FLT4: variants seen among roughly 807,000 people sequenced by gnomAD.
FLT4 encodes fms related receptor tyrosine kinase 4, also known as vascular endothelial growth factor receptor 3.
A neutral mutation model predicts 163.2 loss-of-function variants in FLT4; 30 were observed. The observed-to-expected ratio is 0.18, with a 90% CI of 0.14 to 0.25. FLT4 has a LOEUF of 0.25. FLT4 is among the 10% of genes least tolerant of loss of function. The probability of loss-of-function intolerance (pLI) is 1.00; values close to 1 mark genes in which losing one functional copy is unlikely to be tolerated. For synonymous variants in FLT4, 884 were observed against 789.5 expected, an observed-to-expected ratio of 1.12 and a Z score of -2.01; for missense variants, 1,510 against 1,863.8, an observed-to-expected ratio of 0.81 and a Z score of 3.50.
Position 180,601,658 on chromosome 5 carries a change from C to T in FLT4, c.*1534G>A, listed in dbSNP as rs1761520943. On this transcript the variant is annotated 3_prime_UTR_variant, in exon 30 of 30. Coordinates refer to ENST00000261937, the MANE Select transcript of FLT4 (RefSeq NM_182925.5). ...GTGAGGAGAAGGGAGCAGAGGTGCG[C>T]GCCAGGAGCCAGGCTGGTTCTCTGC... 1.7e-5 allele frequency: 4 copies of T among 233,182 alleles called. No individual in the cohort carries two copies. The highest frequency in any genetic ancestry group is 3.6e-4 in the South Asian group (2 of 5,534). The allele number at this position is 233,182 out of a possible 1,614,324, so 14.4% of individuals were successfully genotyped here.
chr5:180,633,067 G>A (rs367844525), intron 1 of FLT4, among the ~76,000 whole-genome samples: 1 of 152,116 alleles, frequency 6.6e-6, no homozygotes, highest in Admixed American at 6.5e-5. Context: ...CCAGGGTCCC[G>A]CCCTGAAGCT....
intron 1 of FLT4, among the ~76,000 whole-genome samples, chr5:180,644,487 C>T (rs1765370414): frequency 6.6e-6 from 1 of 152,214 alleles, no homozygotes; most frequent in Non-Finnish European, 1.5e-5. Context: ...GGACAGTGGC[C>T]TGTGTGCCTG....
chr5:180,642,931 G>A (rs1765233969), intron 1 of FLT4, among the ~76,000 whole-genome samples: 1 of 152,214 alleles, frequency 6.6e-6, no homozygotes, highest in Non-Finnish European at 1.5e-5. Flanking sequence ...ACGCATGTGT[G>A]CATTCCACAT....
intron 27 of FLT4, 46 bp downstream of exon 27, chr5:180,611,285 A>C: frequency 1.2e-6 from 2 of 1,609,222 alleles, no homozygotes. Context: ...CACCTTGTCC[A>C]CATGGCTTTC....
At chr5:180,643,892 G>A (rs1392718183) in intron 1 of FLT4, among the ~76,000 whole-genome samples, 1 of 151,956 alleles carries the variant, frequency 6.6e-6, no homozygotes, top group Non-Finnish European at 1.5e-5. Flanking sequence ...CACGGTCTCG[G>A]CTCACCGTAA....
chr5:180,649,426 G>T lies in FLT4; in HGVS notation c.58+62C>A, dbSNP rs536105035. 4.1e-4 allele frequency: 529 copies of T among 1,289,756 alleles called. 2 individuals carry two copies. The African/African-American group carries it at 7.9e-3, about 19-fold the overall frequency. The allele number at this position is 1,289,756 out of a possible 1,614,324, so 79.9% of individuals were successfully genotyped here. Reference sequence around the variant, plus strand: ...AGCGGTCTCAGCGCCCGCCCCAGGTGCGCGGTACCCCCTCCCCGGCCAGCC... The same window carrying T: ...AGCGGTCTCAGCGCCCGCCCCAGGTTCGCGGTACCCCCTCCCCGGCCAGCC... On this transcript the variant is annotated intron_variant, in intron 1 of 29. Transcript: ENST00000261937.
Position 180,630,211 on chromosome 5 carries a change from G to C in FLT4, c.513+14C>G, listed in dbSNP as rs938700408. The C allele has an allele frequency of 1.2e-6, 2 of 1,611,068 alleles. No homozygotes were observed. Among genetic ancestry groups the C allele is most frequent in the Non-Finnish European group, 1.7e-6 (2 of 1,178,664 alleles). On this transcript the variant is annotated intron_variant, in intron 4 of 29. Transcript: ENST00000261937. This position sits in a 1 kb window ranked among gnomAD's most constrained non-coding sequence, Gnocchi z 6.3. ...ATGGGAGGGTCGGATGCTGGGGTTGGGGTGGGGCCGTACCGAGCGCAGCGT... is the reference window on the plus strand; with the variant it reads ...ATGGGAGGGTCGGATGCTGGGGTTGCGGTGGGGCCGTACCGAGCGCAGCGT...
At chr5:180,638,732 C>T (rs1764871409) in intron 1 of FLT4, among the ~76,000 whole-genome samples, 2 of 152,208 alleles carry the variant, frequency 1.3e-5, no homozygotes, top group Non-Finnish European at 2.9e-5. Flanking sequence ...ACGCTAAGGA[C>T]TCAGCTTAGA....
intron 28 of FLT4, chr5:180,609,598 C>A: frequency 4.8e-6 from 2 of 417,112 alleles, no homozygotes; most frequent in Non-Finnish European, 9.0e-6. Context: ...CTCTGCCCAG[C>A]GCTCACTGAC....
Position 180,609,895 on chromosome 5 carries a change from T to C in FLT4, c.3807+10A>G, listed in dbSNP as rs754430379. The C allele has an allele frequency of 1.2e-6, 2 of 1,613,824 alleles. No homozygotes were observed. Among genetic ancestry groups the C allele is most frequent in the South Asian group, 1.1e-5 (1 of 91,070 alleles). On this transcript the variant is annotated intron_variant, in intron 28 of 29. Coordinates refer to ENST00000261937, the MANE Select transcript of FLT4 (RefSeq NM_182925.5). ...CCGAGAGCGCAGCCCCCACCCTTCA[T>C]GTGAAGTACCACAGAGCCTTTGTAG... is the stretch of plus-strand genomic sequence containing the variant.
chr5:180,648,512 C>T lies in FLT4; in HGVS notation c.58+976G>A, dbSNP rs540216134. Among the ~76,000 whole-genome samples the T allele has an allele frequency of 2.0e-5, 3 of 152,318 alleles. No individual in the cohort carries two copies. In the South Asian group the frequency reaches 6.2e-4, roughly 32 times the overall value. On this transcript the variant is annotated intron_variant, in intron 1 of 29. Coordinates refer to ENST00000261937, the MANE Select transcript of FLT4 (RefSeq NM_182925.5). Reference sequence around the variant, plus strand: ...CGTGCAGAAATGTTGAGGTCCCCGTCGCTGACTTCAGGGCTTCAGACACTG... The same window carrying T: ...CGTGCAGAAATGTTGAGGTCCCCGTTGCTGACTTCAGGGCTTCAGACACTG...
intron 29 of FLT4, among the ~76,000 whole-genome samples, chr5:180,603,996 C>A (rs74201322): frequency 0.069 from 10,512 of 152,024 alleles, 978 homozygotes; most frequent in African/African-American, 0.2. Context: ...CAAAGTGAGA[C>A]CCTGTCTCAA....
intron 10 of FLT4, among the ~76,000 whole-genome samples, chr5:180,624,362 G>A (rs983143078): frequency 6.6e-6 from 1 of 152,124 alleles, no homozygotes; most frequent in Admixed American, 6.5e-5. Flanking sequence ...AAGTAGCTGG[G>A]ATTATAGGCA....
rs57822329 is a variant in FLT4 at position 180,620,739 on chromosome 5, CGTGT to C, written c.2300-28_2300-25del. 169 of 1,530,392 alleles carry C rather than the reference CGTGT, an allele frequency of 1.1e-4. No individual in the cohort carries two copies. Among genetic ancestry groups the C allele is most frequent in the East Asian group, 1.4e-4 (6 of 42,940 alleles). The allele number at this position is 1,530,392 out of a possible 1,614,324, so 94.8% of individuals were successfully genotyped here. Reference sequence around the variant, plus strand: ...GCCTGCGTGGGCAGAAAGGGGCCGGCGTGTGTGTGTGTGTGTGTAAGAGCGTGCA... The same window carrying C: ...GCCTGCGTGGGCAGAAAGGGGCCGGCGTGTGTGTGTGTGTAAGAGCGTGCA... On this transcript the variant is annotated intron_variant, in intron 15 of 29. Coordinates refer to ENST00000261937, the MANE Select transcript of FLT4 (RefSeq NM_182925.5). This position sits in a 1 kb window ranked among gnomAD's most constrained non-coding sequence, Gnocchi z 4.4.
chr5:180,603,820 C>T (rs1020877580), intron 29 of FLT4, among the ~76,000 whole-genome samples: 14 of 152,018 alleles, frequency 9.2e-5, no homozygotes, highest in South Asian at 4.2e-4. Context: ...AGGAGAATGG[C>T]GTGAACCCGG....
At chr5:180,634,235 TC>T (rs1764385760) in intron 1 of FLT4, among the ~76,000 whole-genome samples, 1 of 152,196 alleles carries the variant, frequency 6.6e-6, no homozygotes, top group African/African-American at 2.4e-5. Context: ...AGGGTCTAGT[TC>T]AGACGCCCTC....
intron 10 of FLT4, 26 bp downstream of exon 10, chr5:180,625,843 G>A (rs970661701): frequency 1.2e-5 from 18 of 1,522,726 alleles, no homozygotes; most frequent in African/African-American, 1.8e-5. Context: ...GCTGTGCAGG[G>A]GACCTGAGGC....
intron 1 of FLT4, among the ~76,000 whole-genome samples, chr5:180,639,379 G>GTGGGTGGA (rs1554118675): frequency 6.3e-5 from 9 of 142,394 alleles, no homozygotes; most frequent in East Asian, 2.2e-4. Flanking sequence ...GAGTGGATGG[G>GTGGGTGGA]TGGATGGATG....
chr5:180,640,759 T>C (rs1377412658), intron 1 of FLT4, among the ~76,000 whole-genome samples: 3 of 152,218 alleles, frequency 2.0e-5, no homozygotes, highest in South Asian at 2.1e-4. Context: ...CTGCGTGTCC[T>C]GCGTCCCTTG....
Sources: gnomAD v4.1 joint callset for allele counts (sites outside exome capture counted in the v4.1 genomes callset) on GRCh38, gnomAD v4.1.1 for gene constraint, Gnocchi (gnomAD v3.1) non-coding constraint, MANE v1.5 for transcripts, NCBI Gene and HGNC (gene_info 2026-07-23, HGNC 2026-07-21) for gene names.